KLF2: variants seen among roughly 807,000 people sequenced by gnomAD.
The protein encoded by KLF2 is Krueppel-like factor 2.
In KLF2, 9 loss-of-function variants were observed where a neutral mutation model predicts 22.2. The observed-to-expected ratio is 0.40, with a 90% confidence interval of 0.24 to 0.71. The LOEUF (loss-of-function observed/expected upper bound fraction) is 0.71, where lower values mean the gene tolerates loss of function less well. Among genes scored for constraint, KLF2 ranks in the 30% least tolerant of loss-of-function variants. The pLI is 0.35. For synonymous variants in KLF2, 299 were observed against 264.2 expected, an observed-to-expected ratio of 1.13 and a Z score of -1.28; for missense variants, 481 against 542.1, an observed-to-expected ratio of 0.89 and a Z score of 1.12.
chr19:16,324,888 GTCCCCGTCCGCGTCCTTTC>G lies in KLF2; in HGVS notation c.-29_-11del, dbSNP rs2091882929. The G allele has an allele frequency of 6.4e-7, 1 of 1,560,482 alleles. No homozygotes were observed. The highest frequency in any genetic ancestry group is 8.7e-7 in the Non-Finnish European group (1 of 1,147,682). On this transcript the variant is annotated 5_prime_UTR_variant, in exon 1 of 3. Transcript: ENST00000248071. ...CGGCCTCGGGCAGCCACTCACCGGTGTCCCCGTCCGCGTCCTTTCTCCCCGGGTCCCGGCCATGGCGCTG... is the reference window on the plus strand; with the variant it reads ...CGGCCTCGGGCAGCCACTCACCGGTGTCCCCGGGTCCCGGCCATGGCGCTG...
rs757297362 is a variant in KLF2 at position 16,325,304 on chromosome 19, G to C, written c.164G>C (p.Gly55Ala). ...LDFILSMGLDGLGAEAAPEPP... is the reference protein window; with the variant it reads ...LDFILSMGLDALGAEAAPEPP... Reference sequence around the variant, plus strand: ...TTCATCCTGTCCATGGGGCTGGATGGCCTGGGCGCCGAGGCCGCCCCGGAG... The same window carrying C: ...TTCATCCTGTCCATGGGGCTGGATGCCCTGGGCGCCGAGGCCGCCCCGGAG... Residue 55 changes from glycine to alanine, a missense_variant, in exon 2 of 3, where the codon GGC (glycine) becomes GCC (alanine). Physicochemically the swap from Gly to Ala is moderately conservative, Grantham distance 60 (BLOSUM62 0). Around this residue, in one of 2 missense-constraint regions of KLF2, gnomAD observed 421 missense variants for 435.1 expected, o/e 0.97. Coordinates refer to ENST00000248071, the MANE Select transcript of KLF2 (RefSeq NM_016270.4). The C allele has an allele frequency of 6.7e-7, 1 of 1,499,824 alleles. No individual in the cohort carries two copies. Among genetic ancestry groups the C allele is most frequent in the Admixed American group, 2.3e-5 (1 of 42,812 alleles). The allele number at this position is 1,499,824 out of a possible 1,614,324, so 92.9% of individuals were successfully genotyped here. A position where few individuals can be genotyped will look rare whatever the true frequency, so the allele number is the denominator to read the frequency against.
chr19:16,326,034 T>G lies in KLF2; in HGVS notation c.892+2T>G. ...AGGCGCATCTGCGCACGCACACAGG[T>G]GGGCGGCACGCACGAGCCAGGAGCG... On this transcript the variant is annotated splice_donor_variant, in intron 2 of 2. Transcript: ENST00000248071. LOFTEE classifies it high-confidence loss of function. 1 of 1,543,934 alleles carries G rather than the reference T, an allele frequency of 6.5e-7. No homozygotes were observed. Among genetic ancestry groups the G allele is most frequent in the Non-Finnish European group, 8.7e-7 (1 of 1,145,622 alleles).
chr19:16,327,039 G>A lies in KLF2; in HGVS notation c.*8G>A, dbSNP rs963072744. On this transcript the variant is annotated 3_prime_UTR_variant, in exon 3 of 3. Transcript: ENST00000248071. ...ATGAAACGGCACATGTAGCCGGGAC[G>A]CCCCCGCCCACCTGCGCGCGGCCGT... is the stretch of plus-strand genomic sequence containing the variant. 7 of 1,568,106 alleles carry A rather than the reference G, an allele frequency of 4.5e-6. No homozygotes were observed. Among genetic ancestry groups the A allele is most frequent in the Non-Finnish European group, 5.2e-6 (6 of 1,155,418 alleles).
Position 16,327,132 on chromosome 19 carries a change from C to T in KLF2, c.*101C>T. The T allele has an allele frequency of 1.7e-6, 2 of 1,185,734 alleles. No homozygotes were observed. Among genetic ancestry groups the T allele is most frequent in the Non-Finnish European group, 2.3e-6 (2 of 874,744 alleles). The allele number at this position is 1,185,734 out of a possible 1,614,324, so 73.5% of individuals were successfully genotyped here. On this transcript the variant is annotated 3_prime_UTR_variant, in exon 3 of 3. Coordinates refer to ENST00000248071, the MANE Select transcript of KLF2 (RefSeq NM_016270.4). ...ACTGGTATTTATTGGACCCAGAGAA[C>T]CGGGCCGGGCACAGCGTGGCTACAG...
rs865931278 is a variant in KLF2 at position 16,325,281 on chromosome 19, C to A, written c.141C>A (p.Phe47Leu). ...TDDDLNSVLDFILSMGLDGLG... is the reference protein window; with the variant it reads ...TDDDLNSVLDLILSMGLDGLG... ...ACGACCTCAACAGCGTGCTGGACTT[C>A]ATCCTGTCCATGGGGCTGGATGGCC... The change falls in exon 2 of 3, where the codon TTC (phenylalanine) becomes TTA (leucine). Residue 47 changes from phenylalanine to leucine, a missense_variant. Phe to Leu is a conservative substitution (Grantham distance 22). This residue lies in a region of KLF2 where 421 missense variants were observed against 435.1 expected (regional missense o/e 0.97). Transcript: ENST00000248071. 6.5e-7 allele frequency: 1 copy of A among 1,537,498 alleles called. No homozygotes were observed. The highest frequency in any genetic ancestry group is 8.7e-7 in the Non-Finnish European group (1 of 1,146,834).
intron 2 of KLF2, among the ~76,000 whole-genome samples, chr19:16,326,510 TC>T (rs1568375672): frequency 6.6e-6 from 1 of 151,852 alleles, no homozygotes; most frequent in Non-Finnish European, 1.5e-5. Context: ...GGCTTGGGAC[TC>T]CTCTGGGGAC....
At position 16,325,569 on chromosome 19, in the gene KLF2, A is replaced by G; in HGVS notation, c.429A>G (p.Gly143=). 1.7e-6 allele frequency: 2 copies of G among 1,161,680 alleles called. No individual in the cohort carries two copies. The highest frequency in any genetic ancestry group is 2.1e-6 in the Non-Finnish European group (2 of 944,666). The allele number at this position is 1,161,680 out of a possible 1,614,324, so 72.0% of individuals were successfully genotyped here. ...GCTGCGCCCCCGGGCTGACCCGTGG[A>G]CCGCGCGGCCTCAAGCGCGAGGGCG... ...GYGCAPGLTR[G]PRGLKREGAP... Residue 143 remains glycine, a synonymous_variant, in exon 2 of 3, where the codon GGA becomes GGG. Transcript: ENST00000248071.
rs1381434456 is a variant in KLF2, at chr19:16,325,218, C to T, written c.78C>T (p.Arg26=). The change falls in exon 2 of 3, where the codon CGC becomes CGT. Residue 26 remains arginine (R), a splice_region_variant and synonymous_variant. Coordinates refer to ENST00000248071, the MANE Select transcript of KLF2 (RefSeq NM_016270.4). The part of the protein sequence containing the change: ...SPCRERGLQE[R]WPRAEPESGG... ...GCCCATTGCCCTGTCGCCCGCAGCGCTGGCCGCGCGCCGAACCCGAGTCCG... is the reference window on the plus strand; with the variant it reads ...GCCCATTGCCCTGTCGCCCGCAGCGTTGGCCGCGCGCCGAACCCGAGTCCG... 3.3e-6 allele frequency: 5 copies of T among 1,522,178 alleles called. No individual in the cohort carries two copies. Among genetic ancestry groups the T allele is most frequent in the Admixed American group, 2.1e-5 (1 of 48,004 alleles). The allele number at this position is 1,522,178 out of a possible 1,614,324, so 94.3% of individuals were successfully genotyped here.
intron 2 of KLF2, 90 bp from the exon 3 acceptor site, chr19:16,326,766 T>A: frequency 7.5e-7 from 1 of 1,331,614 alleles, no homozygotes; most frequent in Non-Finnish European, 1.0e-6. Flanking sequence ...GTCAAGGCCC[T>A]GGTTAGGGAT....
Position 16,327,294 on chromosome 19 carries a change from CTT to C in KLF2, c.*264_*265del. 3.4e-6 allele frequency: 1 copy of C among 290,674 alleles called. No individual in the cohort carries two copies. The highest frequency in any genetic ancestry group is 6.1e-6 in the Non-Finnish European group (1 of 164,446). 18.0% of individuals were successfully genotyped at this position (290,674 alleles called of 1,614,324 possible). A position where few individuals can be genotyped will look rare whatever the true frequency, so the allele number is the denominator to read the frequency against. On this transcript the variant is annotated 3_prime_UTR_variant, in exon 3 of 3. Coordinates refer to ENST00000248071, the MANE Select transcript of KLF2 (RefSeq NM_016270.4). ...AATGGTGCAATAATTTAAGTGGCAT[CTT>C]CTCTCCCACCGGGTCTACACTAGAG...
chr19:16,325,029 G>A (rs529454861), intron 1 of KLF2, 31 bp downstream of exon 1: 4 of 1,538,358 alleles, frequency 2.6e-6, no homozygotes, highest in Non-Finnish European at 2.6e-6. Flanking sequence ...GGGGCGGCCG[G>A]GACCGTGGGC....
chr19:16,325,914 G>A lies in KLF2; in HGVS notation c.774G>A (p.Lys258=). ...SPLELLEAKP[K]RGRRSWPRKR... is the part of the protein sequence containing the mutation. ...TGGAGCTGCTGGAGGCCAAGCCAAA[G>A]CGCGGCCGCCGCTCTTGGCCCCGCA... Residue 258 remains lysine, a synonymous_variant, in exon 2 of 3, where the codon AAG becomes AAA. Coordinates refer to ENST00000248071, the MANE Select transcript of KLF2 (RefSeq NM_016270.4). The A allele has an allele frequency of 6.6e-7, 1 of 1,518,866 alleles. No individual in the cohort carries two copies. Among genetic ancestry groups the A allele is most frequent in the Non-Finnish European group, 8.8e-7 (1 of 1,137,042 alleles). The allele number at this position is 1,518,866 out of a possible 1,614,324, so 94.1% of individuals were successfully genotyped here.
chr19:16,327,176 G>GATGACA lies in KLF2; in HGVS notation c.*146_*147insTGACAA. 1 of 716,372 alleles carries GATGACA rather than the reference G, an allele frequency of 1.4e-6. No homozygotes were observed. Among genetic ancestry groups the GATGACA allele is most frequent in the Non-Finnish European group, 2.2e-6 (1 of 456,862 alleles). 44.4% of individuals were successfully genotyped at this position (716,372 alleles called of 1,614,324 possible). ...GCTACAGAGGGTCTCCCTCGATGAC[G>GATGACA]ACGACGACGACGCCACCACCCCAGC... On this transcript the variant is annotated 3_prime_UTR_variant, in exon 3 of 3. Transcript: ENST00000248071.
In KLF2 at chr19:16,327,207, TCTGTGA is replaced by T; in HGVS notation, c.*180_*185del. 2 of 570,016 alleles carry T rather than the reference TCTGTGA, an allele frequency of 3.5e-6. No individual in the cohort carries two copies. Among genetic ancestry groups the T allele is most frequent in the Admixed American group, 3.4e-5 (1 of 29,170 alleles). The allele number at this position is 570,016 out of a possible 1,614,324, so 35.3% of individuals were successfully genotyped here. On this transcript the variant is annotated 3_prime_UTR_variant, in exon 3 of 3. Coordinates refer to ENST00000248071, the MANE Select transcript of KLF2 (RefSeq NM_016270.4). ...GACGACGCCACCACCCCAGCCCCCG[TCTGTGA>T]CTGAAGGCCCGGTGGGAAAAGACCA...
At chr19:16,326,162 T>C in intron 2 of KLF2, 130 bp downstream of exon 2, 1 of 918,244 alleles carries the variant, frequency 1.1e-6, no homozygotes. Flanking sequence ...TGGCAGGTGG[T>C]GCACGCTTAG....
Position 16,324,882 on chromosome 19 carries a change from A to G in KLF2, c.-42A>G, listed in dbSNP as rs1334708853. The G allele has an allele frequency of 6.6e-7, 1 of 1,525,386 alleles. No homozygotes were observed. The highest frequency in any genetic ancestry group is 1.4e-5 in the African/African-American group (1 of 69,904). The allele number at this position is 1,525,386 out of a possible 1,614,324, so 94.5% of individuals were successfully genotyped here. The stretch of plus-strand genomic sequence containing the variant: ...CCAGCCCGGCCTCGGGCAGCCACTC[A>G]CCGGTGTCCCCGTCCGCGTCCTTTC... On this transcript the variant is annotated 5_prime_UTR_variant, in exon 1 of 3. Coordinates refer to ENST00000248071, the MANE Select transcript of KLF2 (RefSeq NM_016270.4).
rs748543995 is a variant in KLF2, at chr19:16,325,335, G to GCCGCCGCCC, written c.204_212dup (p.Pro69_Pro71dup). On this transcript the variant is annotated inframe_insertion, in exon 2 of 3. Transcript: ENST00000248071. ...GCGCCGAGGCCGCCCCGGAGCCGCC[G>GCCGCCGCCC]CCGCCGCCCCCGCCGCCTGCGTTCT... 1.2e-5 allele frequency: 17 copies of GCCGCCGCCC among 1,472,424 alleles called. No homozygotes were observed. Among genetic ancestry groups the GCCGCCGCCC allele is most frequent in the Admixed American group, 1.0e-4 (4 of 38,230 alleles). 91.2% of individuals were successfully genotyped at this position (1,472,424 alleles called of 1,614,324 possible).
In KLF2 at chr19:16,325,228, G is replaced by C; in HGVS notation, c.88G>C (p.Ala30Pro). The C allele has an allele frequency of 6.5e-7, 1 of 1,530,422 alleles. No individual in the cohort carries two copies. Among genetic ancestry groups the C allele is most frequent in the Non-Finnish European group, 8.7e-7 (1 of 1,143,730 alleles). The allele number at this position is 1,530,422 out of a possible 1,614,324, so 94.8% of individuals were successfully genotyped here. Residue 30 changes from alanine to proline, a missense_variant, in exon 2 of 3, where the codon GCC becomes CCC. Physicochemically the swap from Ala to Pro is conservative, Grantham distance 27 (BLOSUM62 -1). Coordinates refer to ENST00000248071, the MANE Select transcript of KLF2 (RefSeq NM_016270.4). ...ERGLQERWPR[A>P]EPESGGTDDD... is the part of the protein sequence containing the mutation. ...CTGTCGCCCGCAGCGCTGGCCGCGCGCCGAACCCGAGTCCGGCGGCACCGA... is the reference window on the plus strand; with the variant it reads ...CTGTCGCCCGCAGCGCTGGCCGCGCCCCGAACCCGAGTCCGGCGGCACCGA...
chr19:16,325,923 C>T lies in KLF2; in HGVS notation c.783C>T (p.Arg261=). Residue 261 remains arginine, a synonymous_variant, in exon 2 of 3, where the codon CGC becomes CGT. Transcript: ENST00000248071. Reference sequence around the variant, plus strand: ...TGGAGGCCAAGCCAAAGCGCGGCCGCCGCTCTTGGCCCCGCAAACGCACCG... The same window carrying T: ...TGGAGGCCAAGCCAAAGCGCGGCCGTCGCTCTTGGCCCCGCAAACGCACCG... The part of the protein sequence containing the change: ...ELLEAKPKRG[R]RSWPRKRTAT... The T allele has an allele frequency of 5.3e-6, 8 of 1,522,932 alleles. No individual in the cohort carries two copies. Among genetic ancestry groups the T allele is most frequent in the Non-Finnish European group, 7.0e-6 (8 of 1,137,948 alleles). The allele number at this position is 1,522,932 out of a possible 1,614,324, so 94.3% of individuals were successfully genotyped here.
Sources: gnomAD v4.1 joint callset for allele counts (sites outside exome capture counted in the v4.1 genomes callset) on GRCh38, gnomAD v4.1.1 for gene constraint, gnomAD v4.1.1 regional missense constraint, MANE v1.5 for transcripts, NCBI Gene and HGNC (gene_info 2026-07-23, HGNC 2026-07-21) for gene names.